The following GART variants were observed in gnomAD, a reference collection of about 807,000 sequenced individuals.
The protein encoded by GART is trifunctional purine biosynthetic protein adenosine-3.
Under a neutral mutation model 107.2 loss-of-function variants are expected in GART, and 43 were observed. The observed-to-expected ratio is 0.40, with a 90% CI of 0.31 to 0.52. GART has a LOEUF of 0.52. Among genes scored for constraint, GART ranks in the 20% least tolerant of loss-of-function variants. The probability of loss-of-function intolerance (pLI) is 0.52; values close to 1 mark genes in which losing one functional copy is unlikely to be tolerated. For synonymous variants in GART, 434 were observed against 427.0 expected (o/e 1.02, Z -0.20); for missense variants, 1,107 against 1,206.5 (o/e 0.92, Z 1.22).
chr21:33,508,599 CCT>C (rs1469546666), intron 18 of GART, among the ~76,000 whole-genome samples: 2 of 145,982 alleles, frequency 1.4e-5, no homozygotes, highest in East Asian at 4.0e-4. Context: ...CTCATTGCAA[CCT>C]CTGTCTCCAG....
intron 20 of GART, 82 bp from the exon 21 acceptor site, chr21:33,504,609 C>A: frequency 1.0e-6 from 1 of 978,414 alleles, no homozygotes; most frequent in Non-Finnish European, 1.6e-6. Context: ...CTATCTAGAT[C>A]CGAAGTCAAA....
intron 2 of GART, among the ~76,000 whole-genome samples, chr21:33,535,742 A>T (rs972320985): frequency 2.0e-5 from 3 of 152,218 alleles, no homozygotes; most frequent in African/African-American, 7.2e-5. Context: ...TAAGATGTCA[A>T]CACGGCGGGG....
At chr21:33,506,427 C>A (rs918639879) in intron 18 of GART, among the ~76,000 whole-genome samples, 5 of 152,160 alleles carry the variant, frequency 3.3e-5, no homozygotes, top group African/African-American at 9.7e-5. Context: ...CAGGCATGAG[C>A]CACCGCGCCC....
chr21:33,526,457 A>G (rs1216784933), intron 10 of GART, among the ~76,000 whole-genome samples: 1 of 152,116 alleles, frequency 6.6e-6, no homozygotes, highest in Non-Finnish European at 1.5e-5. Flanking sequence ...TACAGGTGTG[A>G]GCCACCGTGC....
intron 14 of GART, among the ~76,000 whole-genome samples, chr21:33,519,717 AC>A (rs564740816): frequency 4.8e-4 from 73 of 152,066 alleles, no homozygotes; most frequent in African/African-American, 1.6e-3. Context: ...GTTCCCAACT[AC>A]TTGGGAGGCT....
intron 8 of GART, 77 bp downstream of exon 8, chr21:33,528,771 AAG>A (rs1374558573): frequency 1.2e-5 from 14 of 1,166,860 alleles, no homozygotes; most frequent in African/African-American, 3.2e-5. Flanking sequence ...AAAAAAAAAA[AAG>A]GGAATGGAAA....
chr21:33,511,804 C>A (rs183979223), intron 16 of GART, among the ~76,000 whole-genome samples: 78 of 152,208 alleles, frequency 5.1e-4, no homozygotes, highest in African/African-American at 1.9e-3. Context: ...TTGGCTGAGT[C>A]TTTGTGATGA....
intron 11 of GART, among the ~76,000 whole-genome samples, chr21:33,522,718 C>T (rs1218960417): frequency 6.6e-6 from 1 of 152,184 alleles, no homozygotes; most frequent in Non-Finnish European, 1.5e-5. Flanking sequence ...CCGGCACCAT[C>T]ATCCATCTCC....
chr21:33,539,562 G>A (rs1412523165), intron 1 of GART, among the ~76,000 whole-genome samples: 2 of 151,888 alleles, frequency 1.3e-5, no homozygotes, highest in South Asian at 2.1e-4. Flanking sequence ...GCATGGTGGC[G>A]GGTGCCTGTA....
Position 33,539,336 on chromosome 21 carries a change from A to C in GART, c.-21T>G. 6.3e-7 allele frequency: 1 copy of C among 1,593,174 alleles called. No homozygotes were observed. Among genetic ancestry groups the C allele is most frequent in the Non-Finnish European group, 8.5e-7 (1 of 1,174,198 alleles). On this transcript the variant is annotated 5_prime_UTR_variant, in exon 2 of 22. The change creates a new upstream start codon in the 5' untranslated region. Transcript: ENST00000381815. ...GCCATTGTTCTGTCTGTAAAGCAGA[A>C]ATTCCAAAGGAAAATGAAACCTGCA...
intron 4 of GART, among the ~76,000 whole-genome samples, chr21:33,532,927 G>C (rs2085221055): frequency 6.6e-6 from 1 of 151,922 alleles, no homozygotes; most frequent in African/African-American, 2.4e-5. Flanking sequence ...ACTTGCTCAA[G>C]GCATCTGGCT....
intron 12 of GART, 68 bp from the exon 13 acceptor site, chr21:33,521,083 A>G: frequency 7.6e-7 from 1 of 1,314,386 alleles, no homozygotes; most frequent in East Asian, 2.4e-5. Flanking sequence ...TTAAATGTCT[A>G]CTAGTTTAAA....
intron 11 of GART, among the ~76,000 whole-genome samples, chr21:33,523,090 G>A (rs1052995029): frequency 3.9e-5 from 6 of 152,134 alleles, no homozygotes; most frequent in African/African-American, 1.2e-4. Context: ...CCCACAAGTC[G>A]GAGCAGTACA....
chr21:33,528,106 G>A, intron 10 of GART, 61 bp downstream of exon 10: 3 of 1,491,642 alleles, frequency 2.0e-6, no homozygotes, highest in Non-Finnish European at 2.8e-6. Context: ...TGAGAGGGGG[G>A]TCTGCTGTGG....
At position 33,511,314 on chromosome 21, in the gene GART, C is replaced by T. The variant is rs768927245; in HGVS notation, c.2252G>A (p.Arg751Lys). Reference sequence around the variant, plus strand: ...TTCTTCCTTGTGCTGCTGGATATCCCTCAGAATCTGCTCTGTCTGCTCCTT... The same window carrying T: ...TTCTTCCTTGTGCTGCTGGATATCCTTCAGAATCTGCTCTGTCTGCTCCTT... ...VSKEQTEQIL[R>K]DIQQHKEEAW... The change falls in exon 17 of 22, where the codon AGG becomes AAG. Residue 751 changes from arginine (R) to lysine (K), a missense_variant. By Grantham distance (26) the Arg-to-Lys change is conservative. Coordinates refer to ENST00000381815, the MANE Select transcript of GART (RefSeq NM_000819.5). The T allele has an allele frequency of 1.2e-6, 2 of 1,614,184 alleles. No homozygotes were observed. The highest frequency in any genetic ancestry group is 3.3e-5 in the Admixed American group (2 of 60,020).
rs76254808 is a variant in GART, at chr21:33,504,323, A to G, written c.2842-8T>C. Reference sequence around the variant, plus strand: ...TCCAGCATCCACATCTTCCTGGAAAAGTAAGCAAAAGTTTTGAACATTACC... The same window carrying G: ...TCCAGCATCCACATCTTCCTGGAAAGGTAAGCAAAAGTTTTGAACATTACC... On this transcript the variant is annotated splice_polypyrimidine_tract_variant and splice_region_variant and intron_variant, in intron 21 of 21. Coordinates refer to ENST00000381815, the MANE Select transcript of GART (RefSeq NM_000819.5). The G allele has an allele frequency of 1.2e-6, 2 of 1,612,834 alleles. No homozygotes were observed. Among genetic ancestry groups the G allele is most frequent in the South Asian group, 2.2e-5 (2 of 91,064 alleles).
chr21:33,505,541 G>A lies in GART; in HGVS notation c.2725+20C>T, dbSNP rs2084663297. 2.5e-6 allele frequency: 4 copies of A among 1,577,534 alleles called. No homozygotes were observed. Among genetic ancestry groups the A allele is most frequent in the Non-Finnish European group, 2.6e-6 (3 of 1,162,818 alleles). On this transcript the variant is annotated intron_variant, in intron 20 of 21. Transcript: ENST00000381815. ...TTTTCAATTGATTTCCCAATGTGATGTCAAATAATTTTTGCTTACCATTCC... is the reference window on the plus strand; with the variant it reads ...TTTTCAATTGATTTCCCAATGTGATATCAAATAATTTTTGCTTACCATTCC...
chr21:33,518,007 C>T (rs76923062), intron 14 of GART, among the ~76,000 whole-genome samples: 1,586 of 152,304 alleles, frequency 0.01, 32 homozygotes, highest in African/African-American at 0.036. Flanking sequence ...TTAACTGGGA[C>T]TGCCCAATTC....
At position 33,532,178 on chromosome 21, in the gene GART, A is replaced by AT. The variant is rs200684831; in HGVS notation, c.528+166dup. 4,999 of 614,126 alleles carry AT rather than the reference A, an allele frequency of 8.1e-3. 54 individuals carry two copies. The highest frequency in any genetic ancestry group is 0.02 in the East Asian group (748 of 36,740). The allele number at this position is 614,126 out of a possible 1,614,324, so 38.0% of individuals were successfully genotyped here. A position where few individuals can be genotyped will look rare whatever the true frequency, so the allele number is the denominator to read the frequency against. On this transcript the variant is annotated intron_variant, in intron 5 of 21. Coordinates refer to ENST00000381815, the MANE Select transcript of GART (RefSeq NM_000819.5). ...ATGGTTTAATTTACAGTGTAAATCC[A>AT]TAACTATTTTATAGAGATGGATTAT... is the stretch of plus-strand genomic sequence containing the variant.
Sources: gnomAD v4.1 joint callset for allele counts (sites outside exome capture counted in the v4.1 genomes callset) on GRCh38, gnomAD v4.1.1 for gene constraint, MANE v1.5 for transcripts, NCBI Gene and HGNC (gene_info 2026-07-23, HGNC 2026-07-21) for gene names.